TMPRSS11F: variants seen among roughly 807,000 people sequenced by gnomAD.
TMPRSS11F encodes transmembrane protease serine 11F.
Under a neutral mutation model 60.2 loss-of-function variants are expected in TMPRSS11F, and 47 were observed. The ratio of observed to expected loss-of-function variants is 0.78; its 90% CI spans 0.62 to 1.00. The LOEUF (loss-of-function observed/expected upper bound fraction) is 1.00, where lower values mean the gene tolerates loss of function less well. Among genes scored for constraint, TMPRSS11F ranks in the 50% least tolerant of loss-of-function variants. TMPRSS11F has a pLI of 0.00. For missense variants in TMPRSS11F, 519 were observed against 522.9 expected (o/e 0.99, Z 0.07); for synonymous variants, 166 against 167.3 (o/e 0.99, Z 0.06).
rs567879533 is a variant in TMPRSS11F, at chr4:68,105,027, T to A, written c.12-5989A>T. 2.7e-5 allele frequency among the ~76,000 whole-genome samples: 4 copies of A among 147,010 alleles called. No individual in the cohort carries two copies. The East Asian group carries it at 8.1e-4, about 30-fold the overall frequency. ...AAGGTGATGCTGGCCTTGTAAAATG[T>A]GTTAGAAATCATTCCCTCTAGGTTT... On this transcript the variant is annotated intron_variant, in intron 1 of 9. Transcript: ENST00000356291.
intron 8 of TMPRSS11F, chr4:68,062,629 A>G: frequency 1.2e-6 from 1 of 815,446 alleles, no homozygotes; most frequent in African/African-American, 1.7e-5. Flanking sequence ...GTTCTTCTCC[A>G]GAGCTGTTGA....
In TMPRSS11F at chr4:68,058,237, C is replaced by T. The variant is rs566270899; in HGVS notation, c.1158+1089G>A. On this transcript the variant is annotated intron_variant, in intron 9 of 9. Transcript: ENST00000356291. ...GAGAGTAAATTTTAGATGTCTATCA[C>T]AGAGAAAATGTTAAGTGAGGTGATG... is the stretch of plus-strand genomic sequence containing the variant. 2.0e-3 allele frequency among the ~76,000 whole-genome samples: 308 copies of T among 152,202 alleles called. 1 individual carries two copies. The highest frequency in any genetic ancestry group is 7.1e-3 in the African/African-American group (296 of 41,546).
In TMPRSS11F at chr4:68,104,509, G is replaced by C. The variant is rs141369211; in HGVS notation, c.12-5471C>G. On this transcript the variant is annotated intron_variant, in intron 1 of 9. Transcript: ENST00000356291. ...AGATGCTTTTCCCTGCCTTCACGCT[G>C]TACTTCTCCCTGCCATTGCCATGCG... 1.1e-4 allele frequency among the ~76,000 whole-genome samples: 17 copies of C among 152,164 alleles called. No homozygotes were observed. In the East Asian group the frequency reaches 3.3e-3, roughly 30 times the overall value.
intron 1 of TMPRSS11F, among the ~76,000 whole-genome samples, chr4:68,125,152 G>T (rs1724692804): frequency 1.3e-5 from 2 of 150,532 alleles, no homozygotes; most frequent in African/African-American, 2.4e-5. Context: ...TACAAACAGG[G>T]CAATTTCATA....
intron 1 of TMPRSS11F, among the ~76,000 whole-genome samples, chr4:68,122,076 CTAAT>C (rs891065588): frequency 9.2e-5 from 14 of 151,892 alleles, no homozygotes; most frequent in Admixed American, 5.3e-4. Context: ...TCATTAAGAC[CTAAT>C]TAATTGTTAT....
chr4:68,110,846 CA>C (rs1724397452), intron 1 of TMPRSS11F, among the ~76,000 whole-genome samples: 1 of 152,070 alleles, frequency 6.6e-6, no homozygotes, highest in Non-Finnish European at 1.5e-5. Context: ...TTTTTGTTCT[CA>C]CTTTAGTGAA....
chr4:68,060,764 A>G (rs981240244), intron 8 of TMPRSS11F, among the ~76,000 whole-genome samples: 2 of 151,890 alleles, frequency 1.3e-5, no homozygotes, highest in African/African-American at 4.8e-5. Flanking sequence ...TTTTCTTATA[A>G]TTCATGTGTA....
intron 2 of TMPRSS11F, among the ~76,000 whole-genome samples, chr4:68,093,253 AC>A (rs1442669086): frequency 6.6e-6 from 1 of 152,204 alleles, no homozygotes; most frequent in Non-Finnish European, 1.5e-5. Flanking sequence ...ATAATAGTAT[AC>A]CCCTTTATAT....
intron 1 of TMPRSS11F, among the ~76,000 whole-genome samples, chr4:68,115,663 A>T (rs540144776): frequency 4.1e-4 from 63 of 152,334 alleles, no homozygotes; most frequent in Non-Finnish European, 7.4e-4. Context: ...ACGTAAGTTT[A>T]CAAAAATCAC....
intron 9 of TMPRSS11F, 121 bp downstream of exon 9, chr4:68,059,205 A>G: frequency 1.0e-6 from 1 of 971,754 alleles, no homozygotes; most frequent in Non-Finnish European, 1.5e-6. Context: ...ATTATTAAAT[A>G]AAGTCAGTTC....
chr4:68,126,700 G>A (rs369375492), intron 1 of TMPRSS11F, among the ~76,000 whole-genome samples: 4 of 152,220 alleles, frequency 2.6e-5, no homozygotes, highest in Non-Finnish European at 5.9e-5. Flanking sequence ...GCAATAAAGG[G>A]AGGGAGCTCT....
At chr4:68,098,801 C>A (rs920546826) in intron 2 of TMPRSS11F, 86 bp downstream of exon 2, 37 of 1,258,412 alleles carry the variant, frequency 2.9e-5, no homozygotes, top group Non-Finnish European at 3.9e-5. Flanking sequence ...TAATATCATG[C>A]AAATGTCACT....
chr4:68,080,446 AT>A (rs1723674547), intron 3 of TMPRSS11F: 1 of 152,236 alleles, frequency 6.6e-6, no homozygotes. Context: ...AGCTTCGAGA[AT>A]TGACTGATAA....
chr4:68,067,228 C>T (rs999314493), intron 7 of TMPRSS11F, among the ~76,000 whole-genome samples: 1 of 152,188 alleles, frequency 6.6e-6, no homozygotes, highest in Non-Finnish European at 1.5e-5. Flanking sequence ...CATTTAAAAA[C>T]TTCTTAAAAG....
At chr4:68,108,605 A>ATGTAAAGG (rs1724347735) in intron 1 of TMPRSS11F, among the ~76,000 whole-genome samples, 2 of 152,180 alleles carry the variant, frequency 1.3e-5, no homozygotes, top group Non-Finnish European at 2.9e-5. Flanking sequence ...TTTACATGCC[A>ATGTAAAGG]TGTACCCAAT....
In TMPRSS11F at chr4:68,073,951, A is replaced by G; in HGVS notation, c.341T>C (p.Ile114Thr). 6.4e-7 allele frequency: 1 copy of G among 1,573,778 alleles called. No individual in the cohort carries two copies. The highest frequency in any genetic ancestry group is 1.9e-5 in the Admixed American group (1 of 51,960). Residue 114 changes from isoleucine (I) to threonine (T), a missense_variant, in exon 4 of 10, where the codon ATC (isoleucine) becomes ACC (threonine). Ile to Thr is a moderately conservative substitution (Grantham distance 89). Transcript: ENST00000356291. ...VGGRFIKSHV[I>T]KLSPDEQGVD... is the part of the protein sequence containing the mutation. ...AACCAAATTTACATACCTTAATTTG[A>G]TAACATGAGATTTGATAAATCGACC...
chr4:68,122,881 A>T (rs1440500302), intron 1 of TMPRSS11F, among the ~76,000 whole-genome samples: 1 of 152,140 alleles, frequency 6.6e-6, no homozygotes, highest in South Asian at 2.1e-4. Context: ...TTTAGTCTGA[A>T]CTCCGACTTA....
rs775430639 is a variant in TMPRSS11F, at chr4:68,054,015, A to G, written c.1211T>C (p.Val404Ala). 3.1e-6 allele frequency: 5 copies of G among 1,613,518 alleles called. No individual in the cohort carries two copies. In the South Asian group the frequency reaches 4.4e-5, roughly 14 times the overall value. ...VYDNHDIWYI[V>A]GIVSWGQSCA... ...TGATTGTCCCCAACTTACTATACCT[A>G]CAATGTACCAGATGTCATGATTATC... Residue 404 changes from valine to alanine, a missense_variant, in exon 10 of 10, where the codon GTA becomes GCA. Val to Ala is a moderately conservative substitution (Grantham distance 64, BLOSUM62 0). Coordinates refer to ENST00000356291, the MANE Select transcript of TMPRSS11F (RefSeq NM_207407.2).
chr4:68,057,869 A>ATTATGGTATATC (rs59722604), intron 9 of TMPRSS11F, among the ~76,000 whole-genome samples: 56,378 of 152,074 alleles, frequency 0.37, 12,278 homozygotes, highest in Non-Finnish European at 0.51. Flanking sequence ...TATCTACAAA[A>ATTATGGTATATC]TAAATATTAT....
Sources: allele counts gnomAD v4.1 joint callset (sites outside exome capture counted in the v4.1 genomes callset), GRCh38; gene constraint gnomAD v4.1.1; transcripts MANE v1.5; gene names NCBI Gene and HGNC (gene_info 2026-07-23, HGNC 2026-07-21).